Variants in PCDH9 observed in about 807,000 individuals in gnomAD.
PCDH9 encodes protocadherin 9.
In PCDH9, 24 loss-of-function variants were observed where a neutral mutation model predicts 70.6. That is an observed-to-expected ratio of 0.34 (90% CI 0.25 to 0.48). The LOEUF (loss-of-function observed/expected upper bound fraction) is 0.48. PCDH9 is among the 20% of genes least tolerant of loss of function. PCDH9 has a pLI of 0.99. For missense variants in PCDH9, 1,281 were observed against 1,503.6 expected, an observed-to-expected ratio of 0.85 and a Z score of 2.45; for synonymous variants, 562 against 558.5, an observed-to-expected ratio of 1.01 and a Z score of -0.09.
intron 4 of PCDH9, among the ~76,000 whole-genome samples, chr13:66,385,760 G>T (rs1009690316): frequency 6.6e-6 from 1 of 152,140 alleles, no homozygotes; most frequent in Non-Finnish European, 1.5e-5. Flanking sequence ...ATTGTAATAA[G>T]AGTTAAATGG....
intron 2 of PCDH9, among the ~76,000 whole-genome samples, chr13:67,172,381 G>A (rs1367607615): frequency 6.6e-6 from 1 of 152,112 alleles, no homozygotes; most frequent in African/African-American, 2.4e-5. Context: ...AGAAAGATAA[G>A]CAAACTTAAA....
intron 2 of PCDH9, among the ~76,000 whole-genome samples, chr13:67,124,381 C>T (rs1222563967): frequency 3.3e-5 from 5 of 151,536 alleles, no homozygotes; most frequent in African/African-American, 1.2e-4. Flanking sequence ...TAGTGAATAC[C>T]CAATATGTAT....
At chr13:66,316,065 C>G (rs1240268073) in intron 4 of PCDH9, among the ~76,000 whole-genome samples, 1 of 152,140 alleles carries the variant, frequency 6.6e-6, no homozygotes, top group East Asian at 1.9e-4. Flanking sequence ...CTGTGGTCAT[C>G]TATGTTCCTG....
At chr13:66,336,559 C>T (rs946094399) in intron 4 of PCDH9, among the ~76,000 whole-genome samples, 2 of 151,834 alleles carry the variant, frequency 1.3e-5, no homozygotes, top group Admixed American at 6.6e-5. Flanking sequence ...TTTAAAAATG[C>T]CAAATAACCT....
intron 3 of PCDH9, among the ~76,000 whole-genome samples, chr13:66,843,220 C>T (rs2081146503): frequency 1.3e-5 from 2 of 152,150 alleles, no homozygotes; most frequent in South Asian, 2.1e-4. Flanking sequence ...TACATGTAGA[C>T]AGAGACAGAT....
chr13:66,640,957 C>A (rs957459112), intron 3 of PCDH9, among the ~76,000 whole-genome samples: 71 of 152,078 alleles, frequency 4.7e-4, no homozygotes, highest in African/African-American at 1.6e-3. Context: ...CTCACTGCAA[C>A]CTCTGCCTCC....
In PCDH9 at chr13:67,154,645, CAT is replaced by C. The variant is rs1447676271; in HGVS notation, c.3036+70758_3036+70759del. 1.4e-3 allele frequency among the ~76,000 whole-genome samples: 148 copies of C among 103,634 alleles called. 1 individual carries two copies. Among genetic ancestry groups the C allele is most frequent in the Middle Eastern group, 5.8e-3 (1 of 172 alleles). 68.0% of individuals were successfully genotyped at this position (103,634 alleles called of 152,430 possible). The stretch of plus-strand genomic sequence containing the variant: ...ACACACACACACACACACACACACA[CAT>C]ACAAGATACTCTCTTTTTTGATAAC... On this transcript the variant is annotated intron_variant, in intron 2 of 4. Coordinates refer to ENST00000377865, the MANE Select transcript of PCDH9 (RefSeq NM_203487.3).
intron 3 of PCDH9, among the ~76,000 whole-genome samples, chr13:66,727,348 TAA>T (rs1273712713): frequency 6.6e-6 from 1 of 152,178 alleles, no homozygotes; most frequent in Non-Finnish European, 1.5e-5. Context: ...CTTCTAAATA[TAA>T]GAGGAGAGTT....
intron 3 of PCDH9, among the ~76,000 whole-genome samples, chr13:66,733,655 T>C (rs1211391618): frequency 1.4e-5 from 2 of 142,340 alleles, no homozygotes; most frequent in Admixed American, 7.7e-5. Context: ...TTTTCATATA[T>C]AGAAAAATGT....
chr13:66,407,365 C>T (rs1176330101), intron 4 of PCDH9, among the ~76,000 whole-genome samples: 1 of 152,190 alleles, frequency 6.6e-6, no homozygotes, highest in Non-Finnish European at 1.5e-5. Flanking sequence ...ATAAGGGACA[C>T]AGGTTTGGAC....
intron 3 of PCDH9, among the ~76,000 whole-genome samples, chr13:66,672,300 G>C (rs1345189568): frequency 5.9e-5 from 9 of 152,288 alleles, no homozygotes; most frequent in Non-Finnish European, 1.3e-4. Context: ...CTATATGGGA[G>C]GTCCATCAAA....
rs1359267137 is a variant in PCDH9 at position 66,690,003 on chromosome 13, T to C, written c.3139-58592A>G. Among the ~76,000 whole-genome samples, 5 of 152,336 alleles carry C rather than the reference T, an allele frequency of 3.3e-5. No homozygotes were observed. The East Asian group carries it at 9.6e-4, about 29-fold the overall frequency. ...AATTAAATACAGCTACTAAATTTGATGAGCATTATCTTAGTTACAGAATTG... is the reference window on the plus strand; with the variant it reads ...AATTAAATACAGCTACTAAATTTGACGAGCATTATCTTAGTTACAGAATTG... On this transcript the variant is annotated intron_variant, in intron 3 of 4. Coordinates refer to ENST00000377865, the MANE Select transcript of PCDH9 (RefSeq NM_203487.3).
chr13:66,952,874 C>A (rs1198347452), intron 2 of PCDH9, among the ~76,000 whole-genome samples: 1 of 152,152 alleles, frequency 6.6e-6, no homozygotes, highest in Non-Finnish European at 1.5e-5. Context: ...GTCACCCTCC[C>A]TGCCTCCTAA....
At chr13:67,044,812 G>C (rs1235710165) in intron 2 of PCDH9, among the ~76,000 whole-genome samples, 1 of 152,088 alleles carries the variant, frequency 6.6e-6, no homozygotes, top group Non-Finnish European at 1.5e-5. Context: ...TTCAGCAGGG[G>C]AGAGAAAATG....
At chr13:66,628,890 A>G (rs2077533802) in intron 4 of PCDH9, among the ~76,000 whole-genome samples, 1 of 152,230 alleles carries the variant, frequency 6.6e-6, no homozygotes. Flanking sequence ...AAATTCTATG[A>G]CAAATAAAAT....
chr13:67,227,956 G>A lies in PCDH9; in HGVS notation c.485C>T (p.Pro162Leu). ...PENTLINSRF[P>L]IPSATDPDTG... ...GTCAGGATCTGTTGCTGATGGAATTGGAAAGCGGCTGTTGATCAAAGTGTT... is the reference window on the plus strand; with the variant it reads ...GTCAGGATCTGTTGCTGATGGAATTAGAAAGCGGCTGTTGATCAAAGTGTT... The change falls in exon 2 of 5, where the codon CCA (proline) becomes CTA (leucine). Residue 162 changes from proline to leucine, a missense_variant. By Grantham distance (98) the Pro-to-Leu change is moderately conservative. This residue lies in a region of PCDH9 where 798 missense variants were observed against 1,003.1 expected (regional missense o/e 0.80). Transcript: ENST00000377865. This position sits in a 1 kb window ranked among gnomAD's most constrained non-coding sequence, Gnocchi z 4.6. 6.2e-7 allele frequency: 1 copy of A among 1,614,100 alleles called. No homozygotes were observed. The highest frequency in any genetic ancestry group is 8.5e-7 in the Non-Finnish European group (1 of 1,180,030).
chr13:66,480,522 C>T (rs1958817646), intron 4 of PCDH9, among the ~76,000 whole-genome samples: 1 of 152,178 alleles, frequency 6.6e-6, no homozygotes, highest in African/African-American at 2.4e-5. Flanking sequence ...ACAGAGAAAT[C>T]TTTCTTGAAA....
intron 2 of PCDH9, among the ~76,000 whole-genome samples, chr13:66,981,420 A>G (rs1261601594): frequency 1.3e-5 from 2 of 149,794 alleles, no homozygotes; most frequent in African/African-American, 4.9e-5. Context: ...CCTGGGTGAC[A>G]GAGCGAGACT....
intron 4 of PCDH9, among the ~76,000 whole-genome samples, chr13:66,364,168 CA>C (rs1027771519): frequency 4.0e-5 from 6 of 149,552 alleles, no homozygotes; most frequent in African/African-American, 9.8e-5. Context: ...AAAAAACAAA[CA>C]AAAAAAAAGG....
Sources: gnomAD v4.1 joint callset for allele counts (sites outside exome capture counted in the v4.1 genomes callset) on GRCh38, gnomAD v4.1.1 for gene constraint, gnomAD v4.1.1 regional missense constraint, Gnocchi (gnomAD v3.1) non-coding constraint, MANE v1.5 for transcripts, NCBI Gene and HGNC (gene_info 2026-07-23, HGNC 2026-07-21) for gene names.